Variants in TAFA2 observed in about 807,000 individuals in gnomAD.
TAFA2 encodes the protein chemokine-like protein TAFA-2.
Under a neutral mutation model 18.8 loss-of-function variants are expected in TAFA2, and 7 were observed. That is an observed-to-expected ratio of 0.37 (90% CI 0.21 to 0.70). The LOEUF (loss-of-function observed/expected upper bound fraction) is 0.70, where lower values mean the gene tolerates loss of function less well. Ranked by LOEUF, TAFA2 falls within the 30% of genes least tolerant of loss-of-function variation. The probability of loss-of-function intolerance (pLI) is 0.53; values close to 1 mark genes in which losing one functional copy is unlikely to be tolerated. For missense variants in TAFA2, 122 were observed against 158.1 expected, an observed-to-expected ratio of 0.77 and a Z score of 1.23; for synonymous variants, 60 against 54.2, an observed-to-expected ratio of 1.11 and a Z score of -0.47.
At chr12:61,973,410 T>G (rs1002196108) in intron 1 of TAFA2, among the ~76,000 whole-genome samples, 30 of 148,798 alleles carry the variant, frequency 2.0e-4, no homozygotes, top group South Asian at 1.2e-3. Context: ...TTTTTTTTTT[T>G]TTTTAGTTTT....
intron 2 of TAFA2, among the ~76,000 whole-genome samples, chr12:61,803,363 T>G (rs1871473363): frequency 6.6e-6 from 1 of 151,930 alleles, no homozygotes; most frequent in Non-Finnish European, 1.5e-5. Context: ...GTTATAAAAT[T>G]AACTCTCTAG....
chr12:61,820,553 A>C (rs1414410071), intron 2 of TAFA2, among the ~76,000 whole-genome samples: 1 of 152,002 alleles, frequency 6.6e-6, no homozygotes, highest in Non-Finnish European at 1.5e-5. Flanking sequence ...GGAAGGAGAA[A>C]GAAAGGAAGG....
At chr12:62,092,943 C>T (rs1868783073) in intron 1 of TAFA2, among the ~76,000 whole-genome samples, 1 of 152,018 alleles carries the variant, frequency 6.6e-6, no homozygotes, top group African/African-American at 2.4e-5. Flanking sequence ...TCGGCACTTA[C>T]CATGGTCAGC....
intron 1 of TAFA2, among the ~76,000 whole-genome samples, chr12:61,906,461 C>T (rs896988265): frequency 2.0e-5 from 3 of 152,186 alleles, no homozygotes; most frequent in Non-Finnish European, 4.4e-5. Context: ...GATTGTGAGA[C>T]CTCTCCAGCC....
chr12:61,953,588 CAA>C (rs33912504), intron 1 of TAFA2, among the ~76,000 whole-genome samples: 72,904 of 151,996 alleles, frequency 0.48, 18,417 homozygotes, highest in South Asian at 0.7. Flanking sequence ...TTAACCTATA[CAA>C]AAAAAAAATG....
chr12:62,098,922 G>A (rs1869067245), intron 1 of TAFA2, among the ~76,000 whole-genome samples: 1 of 152,012 alleles, frequency 6.6e-6, no homozygotes, highest in African/African-American at 2.4e-5. Context: ...AGACACCTGT[G>A]GGAAGCTTAT....
At chr12:62,042,975 A>G (rs1387683105) in intron 1 of TAFA2, among the ~76,000 whole-genome samples, 1 of 152,174 alleles carries the variant, frequency 6.6e-6, no homozygotes, top group Non-Finnish European at 1.5e-5. Flanking sequence ...ATAGTTTTAT[A>G]AAATAAAAAT....
intron 1 of TAFA2, among the ~76,000 whole-genome samples, chr12:61,869,246 C>T (rs1874489658): frequency 6.6e-6 from 1 of 152,152 alleles, no homozygotes; most frequent in African/African-American, 2.4e-5. Context: ...TTCCTGCTGA[C>T]TATGTGACTT....
chr12:62,153,023 C>A (rs1028398429), intron 1 of TAFA2, among the ~76,000 whole-genome samples: 11 of 152,122 alleles, frequency 7.2e-5, no homozygotes, highest in Non-Finnish European at 1.5e-4. Context: ...CCTCACCCAG[C>A]TTTTGGCATA....
In TAFA2 at chr12:61,710,332, C is replaced by T. The variant is rs1869336021; in HGVS notation, c.*74G>A. 4 of 1,402,702 alleles carry T rather than the reference C, an allele frequency of 2.9e-6. No individual in the cohort carries two copies. In the African/African-American group the frequency reaches 4.3e-5, roughly 15 times the overall value. The allele number at this position is 1,402,702 out of a possible 1,614,324, so 86.9% of individuals were successfully genotyped here. A position where few individuals can be genotyped will look rare whatever the true frequency, so the allele number is the denominator to read the frequency against. ...GTGGTATAAAAATCTTCAAGATCAC[C>T]TCAGGAGTTGAGTTAAGTTTCTATG... On this transcript the variant is annotated 3_prime_UTR_variant, in exon 5 of 5. Coordinates refer to ENST00000416284, the MANE Select transcript of TAFA2 (RefSeq NM_178539.5).
At chr12:62,106,857 A>G (rs961347195) in intron 1 of TAFA2, among the ~76,000 whole-genome samples, 1 of 139,710 alleles carries the variant, frequency 7.2e-6, no homozygotes, top group Admixed American at 7.6e-5. Flanking sequence ...ACTGCAATAG[A>G]GCGTTCTGTT....
At chr12:62,078,417 A>G (rs962950334) in intron 1 of TAFA2, among the ~76,000 whole-genome samples, 5 of 4,048 alleles carry the variant, frequency 1.2e-3, no homozygotes, top group Admixed American at 0.01. Context: ...GTATAATTGG[A>G]AAAAAAAAAA....
chr12:61,749,181 G>A lies in TAFA2; in HGVS notation c.384+4441C>T, dbSNP rs964037664. On this transcript the variant is annotated intron_variant, in intron 4 of 4. Transcript: ENST00000416284. Reference sequence around the variant, plus strand: ...CTAGCTACTTGGGAGGCTAAGGCATGAGAATCGCTTGAACTCAAGAGGTGG... The same window carrying A: ...CTAGCTACTTGGGAGGCTAAGGCATAAGAATCGCTTGAACTCAAGAGGTGG... Among the ~76,000 whole-genome samples, 66 of 152,042 alleles carry A rather than the reference G, an allele frequency of 4.3e-4. 1 individual carries two copies. The highest frequency in any genetic ancestry group is 1.3e-4 in the Non-Finnish European group (9 of 67,998).
chr12:61,827,510 A>T (rs1872572160), intron 2 of TAFA2, among the ~76,000 whole-genome samples: 1 of 152,010 alleles, frequency 6.6e-6, no homozygotes. Context: ...AAATCATCTC[A>T]GAGCCGGAAA....
At chr12:61,724,455 T>G (rs912421741) in intron 4 of TAFA2, among the ~76,000 whole-genome samples, 1 of 151,150 alleles carries the variant, frequency 6.6e-6, no homozygotes, top group Non-Finnish European at 1.5e-5. Flanking sequence ...GTGCTTTAGT[T>G]GTGATTTCTG....
intron 1 of TAFA2, among the ~76,000 whole-genome samples, chr12:62,059,959 G>A (rs764957823): frequency 6.6e-5 from 10 of 151,848 alleles, no homozygotes; most frequent in Non-Finnish European, 1.2e-4. Flanking sequence ...TCAAGTTTTT[G>A]AGGATCTGTA....
At chr12:62,167,432 G>C (rs1253606464) in intron 1 of TAFA2, among the ~76,000 whole-genome samples, 2 of 152,154 alleles carry the variant, frequency 1.3e-5, no homozygotes, top group Non-Finnish European at 2.9e-5. Flanking sequence ...TTTGGTAGTA[G>C]TGTTAGTATT....
At chr12:61,733,234 C>A (rs11615924) in intron 4 of TAFA2, among the ~76,000 whole-genome samples, 43,774 of 151,836 alleles carry the variant, frequency 0.29, 6,864 homozygotes, top group South Asian at 0.38. Context: ...CCTGTTCACT[C>A]TGATGGTAGT....
chr12:61,836,008 C>T (rs746306096), intron 2 of TAFA2, among the ~76,000 whole-genome samples: 2 of 151,806 alleles, frequency 1.3e-5, no homozygotes, highest in Non-Finnish European at 2.9e-5. Flanking sequence ...AATCAACTTA[C>T]AATTATACAA....
Sources: allele counts gnomAD v4.1 joint callset (sites outside exome capture counted in the v4.1 genomes callset), GRCh38; gene constraint gnomAD v4.1.1; transcripts MANE v1.5; gene names NCBI Gene and HGNC (gene_info 2026-07-23, HGNC 2026-07-21).